STAU2: variants seen among roughly 807,000 people sequenced by gnomAD.
STAU2 encodes double-stranded RNA-binding protein Staufen homolog 2.
Under a neutral mutation model 65.9 loss-of-function variants are expected in STAU2, and 20 were observed. That is an observed-to-expected ratio of 0.30 (90% confidence interval 0.21 to 0.44). The LOEUF (loss-of-function observed/expected upper bound fraction) is 0.44. Ranked by LOEUF, STAU2 falls within the 20% of genes least tolerant of loss-of-function variation. The pLI, the probability that STAU2 is intolerant of heterozygous loss-of-function variation, is 1.00. For missense variants in STAU2, 558 were observed against 683.9 expected (o/e 0.82, Z 2.05); for synonymous variants, 232 against 233.9 (o/e 0.99, Z 0.07).
chr8:73,594,002 T>C (rs1186877610), intron 11 of STAU2, among the ~76,000 whole-genome samples: 1 of 152,214 alleles, frequency 6.6e-6, no homozygotes, highest in Admixed American at 6.5e-5. Flanking sequence ...GCTGGTTTTT[T>C]GTTGTGTTTG....
chr8:73,688,489 C>CGTGTGTGTGTGTGT lies in STAU2; in HGVS notation c.274+151_274+164dup, dbSNP rs34713766. The stretch of plus-strand genomic sequence containing the variant: ...CCTCCTTCAGTTATTTTTATGCTAC[C>CGTGTGTGTGTGTGT]GTGTGTGTGTGTGTGTGTGTGTGTG... On this transcript the variant is annotated intron_variant, in intron 5 of 14. Transcript: ENST00000524300. Among the ~76,000 whole-genome samples the CGTGTGTGTGTGTGT allele has an allele frequency of 6.7e-4, 98 of 146,972 alleles. 3 individuals carry two copies. The highest frequency in any genetic ancestry group is 2.4e-3 in the African/African-American group (96 of 39,558).
chr8:73,585,313 T>C (rs1169461990), intron 11 of STAU2, among the ~76,000 whole-genome samples: 1 of 152,140 alleles, frequency 6.6e-6, no homozygotes, highest in East Asian at 1.9e-4. Context: ...AAACCCCGTC[T>C]CTACTAAAAC....
intron 3 of STAU2, among the ~76,000 whole-genome samples, chr8:73,714,682 A>T (rs1821119387): frequency 6.6e-6 from 1 of 152,246 alleles, no homozygotes; most frequent in Admixed American, 6.5e-5. Flanking sequence ...CTGATAGTTA[A>T]CAACATAAAA....
intron 9 of STAU2, among the ~76,000 whole-genome samples, chr8:73,604,123 C>T (rs1811838965): frequency 6.6e-6 from 1 of 152,094 alleles, no homozygotes; most frequent in Admixed American, 6.5e-5. Context: ...CTTCAGTATA[C>T]CAGAGGTGCT....
chr8:73,467,171 T>C (rs1454273122), intron 13 of STAU2, among the ~76,000 whole-genome samples: 6 of 152,248 alleles, frequency 3.9e-5, no homozygotes, highest in African/African-American at 7.2e-5. Context: ...TCTTTGATTC[T>C]CCAACTTCAA....
At position 73,675,883 on chromosome 8, in the gene STAU2, G is replaced by A. The variant is rs551756480; in HGVS notation, c.275-2641C>T. ...TAATATGGATCAAAGTTAACTTCCCGATAGAACGGTGTCCGTGTCCTTAAG... is the reference window on the plus strand; with the variant it reads ...TAATATGGATCAAAGTTAACTTCCCAATAGAACGGTGTCCGTGTCCTTAAG... On this transcript the variant is annotated intron_variant, in intron 5 of 14. Coordinates refer to ENST00000524300, the MANE Select transcript of STAU2 (RefSeq NM_001164380.2). Among the ~76,000 whole-genome samples, 8 of 152,102 alleles carry A rather than the reference G, an allele frequency of 5.3e-5. No individual in the cohort carries two copies. In the South Asian group the frequency reaches 1.0e-3, roughly 20 times the overall value.
At chr8:73,633,163 G>A (rs577532854) in intron 6 of STAU2, among the ~76,000 whole-genome samples, 80 of 152,318 alleles carry the variant, frequency 5.3e-4, no homozygotes, top group African/African-American at 1.7e-3. Flanking sequence ...TTTACTATAT[G>A]CCGGCACTGA....
intron 13 of STAU2, among the ~76,000 whole-genome samples, chr8:73,448,074 G>A (rs138717020): frequency 8.7e-4 from 132 of 152,200 alleles, no homozygotes; most frequent in Non-Finnish European, 1.6e-3. Context: ...ACTAACCCGG[G>A]TGCAAAGTGA....
intron 3 of STAU2, among the ~76,000 whole-genome samples, chr8:73,722,821 C>T (rs1821778288): frequency 6.6e-6 from 1 of 152,106 alleles, no homozygotes; most frequent in Non-Finnish European, 1.5e-5. Flanking sequence ...TTACCATGGT[C>T]CAATCGACAT....
At chr8:73,426,926 A>ATTTT (rs34400355) in intron 13 of STAU2, among the ~76,000 whole-genome samples, 63 of 129,936 alleles carry the variant, frequency 4.8e-4, no homozygotes, top group African/African-American at 1.6e-3. Context: ...ATTTTTAAAG[A>ATTTT]TTTTTTTTTT....
intron 13 of STAU2, among the ~76,000 whole-genome samples, chr8:73,545,680 C>T (rs1003023936): frequency 6.7e-6 from 1 of 149,368 alleles, no homozygotes; most frequent in Non-Finnish European, 1.5e-5. Context: ...CAGAGTCTCA[C>T]ACTGTCGCCC....
At chr8:73,738,945 A>T (rs944932197) in intron 2 of STAU2, among the ~76,000 whole-genome samples, 3 of 152,168 alleles carry the variant, frequency 2.0e-5, no homozygotes, top group Non-Finnish European at 4.4e-5. Context: ...TAAAAATAGT[A>T]TGTATATTAA....
chr8:73,492,446 G>A lies in STAU2; in HGVS notation c.1530+59566C>T, dbSNP rs1027030411. Among the ~76,000 whole-genome samples the A allele has an allele frequency of 4.0e-5, 6 of 151,824 alleles. No homozygotes were observed. In the East Asian group the frequency reaches 1.2e-3, roughly 29 times the overall value. ...ATGCTAAAATGGAATCCGAGGCTTA[G>A]TAAATCACCTCCAATTGACAAGATG... On this transcript the variant is annotated intron_variant, in intron 13 of 14. Transcript: ENST00000524300.
At chr8:73,483,505 T>C (rs943713391) in intron 13 of STAU2, among the ~76,000 whole-genome samples, 3 of 134,080 alleles carry the variant, frequency 2.2e-5, no homozygotes, top group African/African-American at 8.1e-5. Context: ...ATTTCAGTAA[T>C]GTACTATTAC....
At chr8:73,429,413 CTTT>C (rs71561522) in intron 13 of STAU2, among the ~76,000 whole-genome samples, 11 of 65,358 alleles carry the variant, frequency 1.7e-4, no homozygotes, top group African/African-American at 3.6e-4. Context: ...TTGCTCAGGT[CTTT>C]TTTTTTTTTT....
In STAU2 at chr8:73,421,245, G is replaced by A. The variant is rs754084239; in HGVS notation, c.*127C>T. ...ACCATGTATATTATCTCTCGTGTTA[G>A]AATAGTGTTGTCTTCACATAAGACT... On this transcript the variant is annotated 3_prime_UTR_variant, in exon 15 of 15. Transcript: ENST00000524300. 2.7e-4 allele frequency: 206 copies of A among 766,720 alleles called. No homozygotes were observed. The highest frequency in any genetic ancestry group is 7.4e-4 in the Middle Eastern group (2 of 2,710). The allele number at this position is 766,720 out of a possible 1,614,324, so 47.5% of individuals were successfully genotyped here. A position where few individuals can be genotyped will look rare whatever the true frequency, so the allele number is the denominator to read the frequency against.
intron 3 of STAU2, among the ~76,000 whole-genome samples, chr8:73,733,355 T>C (rs948901146): frequency 2.0e-5 from 3 of 152,302 alleles, no homozygotes; most frequent in Admixed American, 2.0e-4. Context: ...CTCCAAAACT[T>C]GGCCCTACTT....
In STAU2 at chr8:73,507,150, T is replaced by C. The variant is rs75944979; in HGVS notation, c.1530+44862A>G. 7.3e-5 allele frequency among the ~76,000 whole-genome samples: 11 copies of C among 150,616 alleles called. No homozygotes were observed. In the East Asian group the frequency reaches 2.1e-3, roughly 29 times the overall value. On this transcript the variant is annotated intron_variant, in intron 13 of 14. Transcript: ENST00000524300. ...GACCTCCTCCCATGAATCACAAATGTATCTTAATGGCATACAGAATGGTGC... is the reference window on the plus strand; with the variant it reads ...GACCTCCTCCCATGAATCACAAATGCATCTTAATGGCATACAGAATGGTGC...
chr8:73,715,070 G>C (rs1450236924), intron 3 of STAU2, among the ~76,000 whole-genome samples: 1 of 140,150 alleles, frequency 7.1e-6, no homozygotes, highest in Admixed American at 7.3e-5. Flanking sequence ...GCAACAGAGC[G>C]AGACTCCGTC....
Sources: allele counts gnomAD v4.1 joint callset (sites outside exome capture counted in the v4.1 genomes callset), GRCh38; gene constraint gnomAD v4.1.1; transcripts MANE v1.5; gene names NCBI Gene and HGNC (gene_info 2026-07-23, HGNC 2026-07-21).